The following ARHGAP10 variants were observed in gnomAD, a reference collection of about 807,000 sequenced individuals.
ARHGAP10 encodes Rho GTPase activating protein 10.
Under a neutral mutation model 108.6 loss-of-function variants are expected in ARHGAP10, and 87 were observed. That is an observed-to-expected ratio of 0.80 (90% CI 0.67 to 0.96). The LOEUF is 0.96. Among genes scored for constraint, ARHGAP10 ranks in the 40% least tolerant of loss-of-function variants. The pLI is 0.00. For missense variants in ARHGAP10, 939 were observed against 954.5 expected, an observed-to-expected ratio of 0.98 and a Z score of 0.21; for synonymous variants, 347 against 341.1, an observed-to-expected ratio of 1.02 and a Z score of -0.19.
intron 19 of ARHGAP10, among the ~76,000 whole-genome samples, chr4:148,027,935 T>C (rs570577325): frequency 6.6e-6 from 1 of 152,268 alleles, no homozygotes; most frequent in Admixed American, 6.5e-5. Flanking sequence ...GTTTTTATTA[T>C]ACTAGATATG....
At chr4:148,049,218 T>C (rs1729018146) in intron 20 of ARHGAP10, among the ~76,000 whole-genome samples, 3 of 152,250 alleles carry the variant, frequency 2.0e-5, no homozygotes, top group South Asian at 4.2e-4. Context: ...CCCACACTGC[T>C]GGCCCCACCC....
chr4:147,846,401 A>G (rs563695980), intron 3 of ARHGAP10, among the ~76,000 whole-genome samples: 11 of 152,368 alleles, frequency 7.2e-5, no homozygotes, highest in African/African-American at 2.6e-4. Flanking sequence ...TCCTGGAAGC[A>G]GAGGGTGAGA....
chr4:147,988,645 T>C (rs1740134613), intron 18 of ARHGAP10, among the ~76,000 whole-genome samples: 1 of 152,228 alleles, frequency 6.6e-6, no homozygotes, highest in Admixed American at 6.5e-5. Flanking sequence ...GTTAGGAACC[T>C]AGAACCCTGG....
At chr4:147,827,268 C>T (rs1409535725) in intron 3 of ARHGAP10, among the ~76,000 whole-genome samples, 1 of 151,760 alleles carries the variant, frequency 6.6e-6, no homozygotes, top group Non-Finnish European at 1.5e-5. Context: ...TGATGCATTG[C>T]AGAACACTCG....
chr4:148,030,520 C>T (rs1397634062), intron 19 of ARHGAP10, among the ~76,000 whole-genome samples: 1 of 152,144 alleles, frequency 6.6e-6, no homozygotes. Flanking sequence ...CTCTGTGTAA[C>T]CAATTCCAAG....
chr4:147,766,799 CATATATATATATATATATAT>C lies in ARHGAP10; in HGVS notation c.154+34365_154+34384del, dbSNP rs57572532. Among the ~76,000 whole-genome samples the C allele has an allele frequency of 7.6e-3, 963 of 126,444 alleles. 28 individuals carry two copies. The highest frequency in any genetic ancestry group is 0.033 in the African/African-American group (898 of 27,336). 83.0% of individuals were successfully genotyped at this position (126,444 alleles called of 152,430 possible). A position where few individuals can be genotyped will look rare whatever the true frequency, so the allele number is the denominator to read the frequency against. Reference sequence around the variant, plus strand: ...TCATATATATTCATACATATATTCACATATATATATATATATATATATATATATATATATATATATTTATT... The same window carrying C: ...TCATATATATTCATACATATATTCACATATATATATATATATATATTTATT... On this transcript the variant is annotated intron_variant, in intron 1 of 22. Transcript: ENST00000336498.
At chr4:147,946,576 C>T in intron 14 of ARHGAP10, 41 bp from the exon 15 acceptor site, 4 of 1,563,744 alleles carry the variant, frequency 2.6e-6, no homozygotes, top group East Asian at 2.3e-5. Context: ...CTTTGATGAT[C>T]AAGGTTTTAA....
intron 18 of ARHGAP10, among the ~76,000 whole-genome samples, chr4:147,987,241 G>C (rs1740079058): frequency 6.6e-6 from 1 of 152,154 alleles, no homozygotes; most frequent in African/African-American, 2.4e-5. Context: ...GAATGATAAA[G>C]TATACATTAA....
At chr4:148,059,308 C>T (rs1042249045) in intron 20 of ARHGAP10, among the ~76,000 whole-genome samples, 4 of 152,244 alleles carry the variant, frequency 2.6e-5, no homozygotes, top group East Asian at 1.9e-4. Flanking sequence ...CCTCCATTTT[C>T]GCAAACTGCA....
At chr4:147,768,369 G>T (rs1036015329) in intron 1 of ARHGAP10, among the ~76,000 whole-genome samples, 1 of 152,104 alleles carries the variant, frequency 6.6e-6, no homozygotes, top group Non-Finnish European at 1.5e-5. Flanking sequence ...CGTACTAGTG[G>T]TTTTTTGAGT....
intron 1 of ARHGAP10, among the ~76,000 whole-genome samples, chr4:147,756,131 A>G (rs1318334800): frequency 1.3e-5 from 1 of 76,094 alleles, no homozygotes; most frequent in Non-Finnish European, 3.2e-5. Flanking sequence ...ACTAGGAGGC[A>G]AAAAAAAAAA....
chr4:148,009,381 C>T (rs948050259), intron 18 of ARHGAP10, among the ~76,000 whole-genome samples: 3 of 152,204 alleles, frequency 2.0e-5, no homozygotes, highest in Non-Finnish European at 4.4e-5. Context: ...ATCTGCCCAC[C>T]TTGGCTTCCC....
chr4:147,732,714 C>T (rs1013525073), intron 1 of ARHGAP10, among the ~76,000 whole-genome samples: 2 of 150,610 alleles, frequency 1.3e-5, no homozygotes, highest in Admixed American at 1.3e-4. Flanking sequence ...CCCGCCTGGG[C>T]CCCGCCTGGC....
chr4:148,071,886 G>C, intron 22 of ARHGAP10, 107 bp from the exon 23 acceptor site: 1 of 837,992 alleles, frequency 1.2e-6, no homozygotes, highest in Non-Finnish European at 1.9e-6. Flanking sequence ...TCCCAGAAGT[G>C]GCCCCTGTTC....
At chr4:148,052,339 T>TAAAA (rs540156426) in intron 20 of ARHGAP10, among the ~76,000 whole-genome samples, 16 of 105,054 alleles carry the variant, frequency 1.5e-4, no homozygotes, top group African/African-American at 5.6e-4. Flanking sequence ...TCTGATTATG[T>TAAAA]AAAAAAAAAA....
chr4:148,034,387 G>C lies in ARHGAP10; in HGVS notation c.1867+10974G>C, dbSNP rs528769563. Among the ~76,000 whole-genome samples the C allele has an allele frequency of 1.6e-3, 245 of 152,192 alleles. 2 individuals are homozygous for C. Among genetic ancestry groups the C allele is most frequent in the African/African-American group, 5.6e-3 (232 of 41,524 alleles). ...GGCTAGAGTGCGATGGCGCGATCTT[G>C]GCTCACTGCAATCTCTGCCTCCCAG... On this transcript the variant is annotated intron_variant, in intron 19 of 22. Coordinates refer to ENST00000336498, the MANE Select transcript of ARHGAP10 (RefSeq NM_024605.4).
chr4:148,047,459 T>C (rs1371960642), intron 20 of ARHGAP10, among the ~76,000 whole-genome samples: 1 of 152,252 alleles, frequency 6.6e-6, no homozygotes, highest in Non-Finnish European at 1.5e-5. Flanking sequence ...TCTGAGAGCA[T>C]TATGCTAGCA....
At chr4:147,790,950 T>A (rs1731092306) in intron 1 of ARHGAP10, among the ~76,000 whole-genome samples, 1 of 152,090 alleles carries the variant, frequency 6.6e-6, no homozygotes, top group Non-Finnish European at 1.5e-5. Context: ...TCCTTACCAT[T>A]CTATAAGTAA....
intron 4 of ARHGAP10, among the ~76,000 whole-genome samples, chr4:147,852,118 C>T (rs1369882177): frequency 6.6e-6 from 1 of 152,174 alleles, no homozygotes; most frequent in East Asian, 1.9e-4. Flanking sequence ...TTATCCCATT[C>T]ATGACTTGCT....
Sources: allele counts gnomAD v4.1 joint callset (sites outside exome capture counted in the v4.1 genomes callset), GRCh38; gene constraint gnomAD v4.1.1; transcripts MANE v1.5; gene names NCBI Gene and HGNC (gene_info 2026-07-23, HGNC 2026-07-21).